The following L3MBTL3 variants were observed in gnomAD, a reference collection of about 807,000 sequenced individuals.
L3MBTL3 encodes lethal(3)malignant brain tumor-like protein 3.
A neutral mutation model predicts 102.3 loss-of-function variants in L3MBTL3; 27 were observed. The observed-to-expected ratio is 0.26, with a 90% CI of 0.19 to 0.36. The LOEUF is 0.36. Among genes scored for constraint, L3MBTL3 ranks in the 10% least tolerant of loss-of-function variants. The pLI is 1.00. For missense variants in L3MBTL3, 798 were observed against 955.3 expected, an observed-to-expected ratio of 0.84 and a Z score of 2.17; for synonymous variants, 340 against 320.9, an observed-to-expected ratio of 1.06 and a Z score of -0.64.
chr6:130,047,373 G>A (rs538925460), intron 3 of L3MBTL3, among the ~76,000 whole-genome samples: 15 of 152,232 alleles, frequency 9.9e-5, no homozygotes, highest in South Asian at 8.3e-4. Flanking sequence ...CGTGGGAATC[G>A]TTCCTTTTAA....
At chr6:130,078,075 T>C (rs1783074348) in intron 13 of L3MBTL3, among the ~76,000 whole-genome samples, 1 of 152,092 alleles carries the variant, frequency 6.6e-6, no homozygotes, top group Non-Finnish European at 1.5e-5. Flanking sequence ...AGAGTAATAG[T>C]TTGTCTTAAT....
At chr6:130,111,057 A>T (rs768548564) in intron 19 of L3MBTL3, among the ~76,000 whole-genome samples, 1 of 152,044 alleles carries the variant, frequency 6.6e-6, no homozygotes, top group Admixed American at 6.5e-5. Flanking sequence ...TTTTTAATGC[A>T]CTTTGCCACA....
intron 2 of L3MBTL3, among the ~76,000 whole-genome samples, chr6:130,035,216 C>T (rs921416419): frequency 1.3e-5 from 2 of 152,122 alleles, no homozygotes; most frequent in African/African-American, 2.4e-5. Context: ...GGCTCACCAC[C>T]ATCAATATAT....
At chr6:130,048,941 A>AACACACACACACACACACACACAC (rs6149808) in intron 3 of L3MBTL3, among the ~76,000 whole-genome samples, 358 of 78,508 alleles carry the variant, frequency 4.6e-3, no homozygotes, top group African/African-American at 9.7e-3. Flanking sequence ...TCTTAGTTAA[A>AACACACACACACACACACACACAC]ACACACACAC....
intron 18 of L3MBTL3, among the ~76,000 whole-genome samples, chr6:130,102,113 G>A (rs1562312570): frequency 1.3e-5 from 2 of 151,378 alleles, no homozygotes; most frequent in Non-Finnish European, 2.9e-5. Context: ...AAAAAAAAAG[G>A]CACCTCTGTT....
At chr6:130,019,233 C>A (rs1055401820) in intron 1 of L3MBTL3, 3 of 142,738 alleles carry the variant, frequency 2.1e-5, no homozygotes, top group Non-Finnish European at 4.6e-5. Context: ...CCGGGCTCCA[C>A]CGGGGTGCGT....
intron 22 of L3MBTL3, among the ~76,000 whole-genome samples, chr6:130,134,986 T>A (rs1787466835): frequency 6.6e-6 from 1 of 151,984 alleles, no homozygotes; most frequent in East Asian, 1.9e-4. Flanking sequence ...CTCTGTTTGA[T>A]CTTTAATTGG....
chr6:130,020,159 G>T (rs1167232915), intron 1 of L3MBTL3, among the ~76,000 whole-genome samples: 1 of 151,112 alleles, frequency 6.6e-6, no homozygotes, highest in Non-Finnish European at 1.5e-5. Flanking sequence ...CGCCGCGTGT[G>T]TGTGCGGTTC....
chr6:130,044,078 G>A (rs1361514387), intron 3 of L3MBTL3, among the ~76,000 whole-genome samples: 1 of 152,174 alleles, frequency 6.6e-6, no homozygotes, highest in Non-Finnish European at 1.5e-5. Context: ...ATCTGGATAA[G>A]ATATGACAGA....
At chr6:130,113,290 G>A (rs1785463215) in intron 19 of L3MBTL3, among the ~76,000 whole-genome samples, 1 of 152,132 alleles carries the variant, frequency 6.6e-6, no homozygotes, top group African/African-American at 2.4e-5. Flanking sequence ...CCTCCCAGGT[G>A]ACAGATGCAA....
intron 10 of L3MBTL3, among the ~76,000 whole-genome samples, chr6:130,061,359 G>T (rs764600092): frequency 2.7e-4 from 41 of 152,292 alleles, no homozygotes; most frequent in Non-Finnish European, 4.6e-4. Flanking sequence ...GGGATTACAA[G>T]CGTGAGCCAC....
intron 20 of L3MBTL3, among the ~76,000 whole-genome samples, chr6:130,130,690 CTTTGAGG>C (rs1786948858): frequency 6.6e-6 from 1 of 152,088 alleles, no homozygotes. Flanking sequence ...GGACCTGCAC[CTTTGAGG>C]TTGATTGGAT....
At chr6:130,043,224 ATAATGT>A (rs1780532356) in intron 3 of L3MBTL3, among the ~76,000 whole-genome samples, 1 of 152,210 alleles carries the variant, frequency 6.6e-6, no homozygotes, top group South Asian at 2.1e-4. Flanking sequence ...TAAAAACTGG[ATAATGT>A]TAAAGTATTG....
At chr6:130,127,602 C>G (rs1340927340) in intron 20 of L3MBTL3, among the ~76,000 whole-genome samples, 1 of 151,648 alleles carries the variant, frequency 6.6e-6, no homozygotes, top group Non-Finnish European at 1.5e-5. Context: ...ATTTAAAAAA[C>G]ATCCTTGTTT....
At chr6:130,063,285 T>TA (rs1782031279) in intron 10 of L3MBTL3, among the ~76,000 whole-genome samples, 1 of 152,082 alleles carries the variant, frequency 6.6e-6, no homozygotes, top group Non-Finnish European at 1.5e-5. Flanking sequence ...GAAGGCAAAT[T>TA]ACTGGCTGAG....
intron 19 of L3MBTL3, among the ~76,000 whole-genome samples, chr6:130,112,803 C>T (rs1785437501): frequency 6.6e-6 from 1 of 152,132 alleles, no homozygotes; most frequent in African/African-American, 2.4e-5. Flanking sequence ...GAAGGGAAGT[C>T]CCAGTGCCTC....
intron 11 of L3MBTL3, among the ~76,000 whole-genome samples, chr6:130,067,708 G>A (rs1782354306): frequency 6.6e-6 from 1 of 152,100 alleles, no homozygotes; most frequent in Admixed American, 6.6e-5. Context: ...CTGCTTTCTG[G>A]ACTTTAATGA....
intron 15 of L3MBTL3, among the ~76,000 whole-genome samples, chr6:130,085,041 G>A (rs1783594574): frequency 6.6e-6 from 1 of 152,030 alleles, no homozygotes; most frequent in African/African-American, 2.4e-5. Flanking sequence ...TGTTGCCTGG[G>A]CTGGTCTCAA....
In L3MBTL3 at chr6:130,066,429, T is replaced by A. The variant is rs1394616366; in HGVS notation, c.941T>A (p.Leu314Gln). 1 of 1,612,818 alleles carries A rather than the reference T, an allele frequency of 6.2e-7. No individual in the cohort carries two copies. The highest frequency in any genetic ancestry group is 2.2e-5 in the East Asian group (1 of 44,742). ...CYDFWVNADA[L>Q]DIHPVGWCEK... ...GACTTCTGGGTGAATGCAGACGCTC[T>A]GGATATCCACCCAGTTGGGTGGTGT... Residue 314 changes from leucine (L) to glutamine (Q), a missense_variant, in exon 11 of 23, where the codon CTG (leucine) becomes CAG (glutamine). Around this residue, in one of 4 missense-constraint regions of L3MBTL3, gnomAD observed 434 missense variants for 506.6 expected, o/e 0.86. Transcript: ENST00000361794.
Sources: gnomAD v4.1 joint callset for allele counts (sites outside exome capture counted in the v4.1 genomes callset) on GRCh38, gnomAD v4.1.1 for gene constraint, gnomAD v4.1.1 regional missense constraint, MANE v1.5 for transcripts, NCBI Gene and HGNC (gene_info 2026-07-23, HGNC 2026-07-21) for gene names.